The following KLF13 variants were observed in gnomAD, a reference collection of about 807,000 sequenced individuals.
KLF13 encodes KLF transcription factor 13.
In KLF13, 8 loss-of-function variants were observed where a neutral mutation model predicts 16.7. The observed-to-expected ratio is 0.48, with a 90% confidence interval of 0.28 to 0.87. The LOEUF (loss-of-function observed/expected upper bound fraction) is 0.87. Among genes scored for constraint, KLF13 ranks in the 40% least tolerant of loss-of-function variants. KLF13 has a pLI of 0.10. For synonymous variants in KLF13, 245 were observed against 208.4 expected (o/e 1.18, Z -1.51); for missense variants, 447 against 452.2 (o/e 0.99, Z 0.10).
At chr15:31,348,564 A>G (rs2039164137) in intron 1 of KLF13, among the ~76,000 whole-genome samples, 1 of 152,174 alleles carries the variant, frequency 6.6e-6, no homozygotes, top group Non-Finnish European at 1.5e-5. Context: ...CTGGCAGCCA[A>G]GGGTGTGACC....
At chr15:31,421,851 C>A (rs967797293) in intron 1 of KLF13, among the ~76,000 whole-genome samples, 1 of 152,096 alleles carries the variant, frequency 6.6e-6, no homozygotes, top group African/African-American at 2.4e-5. Flanking sequence ...CGGTGGCTCA[C>A]ACATGTATTG....
chr15:31,335,978 G>C (rs2038923998), intron 1 of KLF13, among the ~76,000 whole-genome samples: 1 of 152,260 alleles, frequency 6.6e-6, no homozygotes, highest in South Asian at 2.1e-4. Flanking sequence ...TCTAAAGGTG[G>C]AGTTGTGTCA....
At chr15:31,427,857 C>T (rs1293825691) in intron 1 of KLF13, among the ~76,000 whole-genome samples, 1 of 152,074 alleles carries the variant, frequency 6.6e-6, no homozygotes, top group African/African-American at 2.4e-5. Flanking sequence ...TTTTAAACAA[C>T]CAGATCTTCC....
At chr15:31,335,435 ATGTGTG>A (rs71110867) in intron 1 of KLF13, among the ~76,000 whole-genome samples, 10 of 34,888 alleles carry the variant, frequency 2.9e-4, no homozygotes, top group African/African-American at 7.2e-4. Context: ...GTGTGTGTGT[ATGTGTG>A]TGTGTGTGTG....
At chr15:31,434,343 G>T (rs1169549722) in intron 1 of KLF13, among the ~76,000 whole-genome samples, 1 of 152,186 alleles carries the variant, frequency 6.6e-6, no homozygotes, top group African/African-American at 2.4e-5. Flanking sequence ...AGCCAGGAAG[G>T]TGCACAGAGG....
downstream of KLF13, among the ~76,000 whole-genome samples, chr15:31,381,792 A>C (rs1236609688): frequency 6.6e-6 from 1 of 152,208 alleles, no homozygotes; most frequent in African/African-American, 2.4e-5. Context: ...AAAAAGTAGG[A>C]GTAATAGTAA....
chr15:31,368,766 C>T (rs1032377105), intron 1 of KLF13, among the ~76,000 whole-genome samples: 1 of 152,118 alleles, frequency 6.6e-6, no homozygotes, highest in African/African-American at 2.4e-5. Context: ...GCAGAAGAAT[C>T]ACTTGAACCT....
At chr15:31,413,204 A>AAAC (rs2040217159) in intron 1 of KLF13, among the ~76,000 whole-genome samples, 1 of 125,582 alleles carries the variant, frequency 8.0e-6, no homozygotes, top group Non-Finnish European at 1.8e-5. Flanking sequence ...AAAAAAAAAC[A>AAAC]AAAAACAAAA....
At position 31,423,176 on chromosome 15, in the gene KLF13, C is replaced by CGTGTATATATACGT. The variant is rs149346729; in HGVS notation, n.118-12194_118-12193insGTGTATATATACGT. Among the ~76,000 whole-genome samples, 28 of 17,006 alleles carry CGTGTATATATACGT rather than the reference C, an allele frequency of 1.6e-3. 8 individuals carry two copies. Among genetic ancestry groups the CGTGTATATATACGT allele is most frequent in the African/African-American group, 0.013 (26 of 1,952 alleles). The allele number at this position is 17,006 out of a possible 152,430, so 11.2% of individuals were successfully genotyped here. On this transcript the variant is annotated intron_variant and non_coding_transcript_variant, in intron 1 of 1. Coordinates refer to the KLF13 transcript ENST00000558225. ...ATACGTATATATATGTATATATATACATATATACGTATATATATATATCAG... is the reference window on the plus strand; with the variant it reads ...ATACGTATATATATGTATATATATACGTGTATATATACGTATATATACGTATATATATATATCAG...
intron 1 of KLF13, among the ~76,000 whole-genome samples, chr15:31,333,382 A>G (rs887747703): frequency 6.6e-6 from 1 of 152,142 alleles, no homozygotes. Flanking sequence ...GTTTCAGGTC[A>G]CTGCAGGTGA....
At chr15:31,397,433 C>G (rs370554901) in intron 2 of KLF13, among the ~76,000 whole-genome samples, 1 of 152,246 alleles carries the variant, frequency 6.6e-6, no homozygotes, top group South Asian at 2.1e-4. Context: ...TCCTCAGTGA[C>G]GCGCACTTGC....
At chr15:31,406,676 C>A (rs746945051), downstream of KLF13, among the ~76,000 whole-genome samples, 17 of 152,236 alleles carry the variant, frequency 1.1e-4, no homozygotes, top group Non-Finnish European at 2.5e-4. Flanking sequence ...AAGGTGTCAG[C>A]AGGACTGCAT....
At chr15:31,404,047 C>G (rs1233602714) in exon 3 of KLF13, 1 of 152,258 alleles carries the variant, frequency 6.6e-6, no homozygotes, top group Non-Finnish European at 1.5e-5. Context: ...ACTGAACACC[C>G]CGTTTGCTTC....
chr15:31,327,707 G>C lies in KLF13; in HGVS notation c.495G>C (p.Arg165Ser). Reference sequence around the variant, plus strand: ...GCGCCGACCTCGAGTCCCCGCAGAGGAAGCACAAGTGCCACTACGCGGGCT... The same window carrying C: ...GCGCCGACCTCGAGTCCCCGCAGAGCAAGCACAAGTGCCACTACGCGGGCT... ...RSRADLESPQ[R>S]KHKCHYAGCE... Residue 165 changes from arginine (R) to serine (S), a missense_variant, in exon 1 of 2, where the codon AGG (arginine) becomes AGC (serine). Around this residue, in one of 2 missense-constraint regions of KLF13, gnomAD observed 359 missense variants for 282.8 expected, o/e 1.27. Transcript: ENST00000307145. 6.5e-7 allele frequency: 1 copy of C among 1,538,760 alleles called. No individual in the cohort carries two copies. The highest frequency in any genetic ancestry group is 8.8e-7 in the Non-Finnish European group (1 of 1,139,684).
intron 1 of KLF13, among the ~76,000 whole-genome samples, chr15:31,356,989 T>A (rs1040388151): frequency 1.5e-4 from 23 of 152,224 alleles, no homozygotes; most frequent in Non-Finnish European, 2.8e-4. Context: ...TTCCTTTTAT[T>A]TGGAGCTGTT....
At chr15:31,411,393 T>C (rs1382337028) in intron 1 of KLF13, among the ~76,000 whole-genome samples, 2 of 133,234 alleles carry the variant, frequency 1.5e-5, no homozygotes, top group African/African-American at 3.4e-5. Context: ...CAACACATTT[T>C]TTTTTTCTTT....
At chr15:31,357,898 T>C (rs1396995868) in intron 1 of KLF13, among the ~76,000 whole-genome samples, 4 of 152,188 alleles carry the variant, frequency 2.6e-5, no homozygotes, top group Admixed American at 2.0e-4. Flanking sequence ...AATTTCTTGC[T>C]TCCAGATTAT....
rs2038977945 is a variant in KLF13 at position 31,338,931 on chromosome 15, AC to A, written c.577+11146del. Among the ~76,000 whole-genome samples, 4 of 151,698 alleles carry A rather than the reference AC, an allele frequency of 2.6e-5. No individual in the cohort carries two copies. In the South Asian group the frequency reaches 8.3e-4, roughly 32 times the overall value. On this transcript the variant is annotated intron_variant, in intron 1 of 1. Coordinates refer to ENST00000307145, the MANE Select transcript of KLF13 (RefSeq NM_015995.4). ...AGCAGGTGGGTATACAGGGGAGCAG[AC>A]CCCAGGGGGGCCTGAGGAGGGAGGG...
In KLF13 at chr15:31,368,905, C is replaced by A. The variant is rs575568247; in HGVS notation, c.578-3105C>A. ...CTTGCAACAAAAAAAATCCTCTCAC[C>A]AGTCCAGCCCCACTCCCTAGACAGC... On this transcript the variant is annotated intron_variant, in intron 1 of 1. Coordinates refer to ENST00000307145, the MANE Select transcript of KLF13 (RefSeq NM_015995.4). 3.3e-5 allele frequency among the ~76,000 whole-genome samples: 5 copies of A among 152,244 alleles called. No homozygotes were observed. The East Asian group carries it at 9.6e-4, about 29-fold the overall frequency.
Sources: allele counts gnomAD v4.1 joint callset (sites outside exome capture counted in the v4.1 genomes callset), GRCh38; gene constraint gnomAD v4.1.1; regional missense constraint gnomAD v4.1.1; transcripts MANE v1.5; gene names NCBI Gene and HGNC (gene_info 2026-07-23, HGNC 2026-07-21).